The following GARIN3 variants were observed in gnomAD, a reference collection of about 807,000 sequenced individuals.
The protein encoded by GARIN3 is golgi associated RAB2 interactor family member 3, also known as Golgi-associated RAB2 interactor protein 3.
the GARIN3 span, chr5:157,162,132 G>A: frequency 5.3e-6 from 2 of 374,192 alleles, no homozygotes; most frequent in Admixed American, 4.4e-5. Context: ...CTCTTAGTCT[G>A]TGGCTTTGAC....
the GARIN3 span, chr5:157,162,394 G>C: frequency 3.5e-5 from 54 of 1,551,176 alleles, no homozygotes; most frequent in East Asian, 1.3e-4. Context: ...GCTGGGATGG[G>C]CTCCTCTAGG....
the GARIN3 span, chr5:157,162,995 C>T: frequency 8.5e-5 from 137 of 1,614,232 alleles, no homozygotes; most frequent in African/African-American, 1.8e-3. Context: ...TCATTCCAGA[C>T]TTCAGCACTG....
the GARIN3 span, chr5:157,162,787 T>G: frequency 6.2e-7 from 1 of 1,614,244 alleles, no homozygotes; most frequent in Non-Finnish European, 8.5e-7. Context: ...AGAGGAGCCA[T>G]GTCGCTTGCC....
the GARIN3 span, chr5:157,162,725 C>A: frequency 2.5e-6 from 4 of 1,614,096 alleles, no homozygotes; most frequent in Non-Finnish European, 3.4e-6. Context: ...TTCCCCAGTT[C>A]CTGAGTTGTT....
the GARIN3 span, chr5:157,163,741 G>A: frequency 6.7e-7 from 1 of 1,499,038 alleles, no homozygotes; most frequent in South Asian, 1.3e-5. Flanking sequence ...TTATCCTGGA[G>A]TTAATTCAAG....
the GARIN3 span, among the ~76,000 whole-genome samples, chr5:157,164,188 C>T: frequency 2.4e-4 from 31 of 131,036 alleles, no homozygotes; most frequent in Middle Eastern, 5.4e-3. Context: ...CTTGCTCTGT[C>T]GCCCAGGCTA....
chr5:157,165,907 C>G, the GARIN3 span: 1 of 1,614,190 alleles, frequency 6.2e-7, no homozygotes, highest in Non-Finnish European at 8.5e-7. Flanking sequence ...TGGGCCAGAA[C>G]CATGACGTCA....
At chr5:157,162,744 C>CT in the GARIN3 span, 1 of 1,614,190 alleles carries the variant, frequency 6.2e-7, no homozygotes, top group Non-Finnish European at 8.5e-7. Flanking sequence ...TTCTCGACTC[C>CT]TTTTTGGTGG....
At chr5:157,165,518 CCCCAAAGAACCTGCCCCATGT>C in the GARIN3 span, 2 of 1,554,680 alleles carry the variant, frequency 1.3e-6, no homozygotes, top group South Asian at 2.5e-5. Flanking sequence ...TGAACTGCTC[CCCCAAAGAACCTGCCCCATGT>C]TCTCGAGCCT....
At chr5:157,163,524 C>T in the GARIN3 span, 35 of 1,614,118 alleles carry the variant, frequency 2.2e-5, no homozygotes, top group African/African-American at 5.3e-5. Flanking sequence ...ATGGAGAAGC[C>T]GCACTAGCCG....
chr5:157,162,194 T>C, the GARIN3 span: 1 of 546,942 alleles, frequency 1.8e-6, no homozygotes, highest in Non-Finnish European at 3.2e-6. Context: ...TCACGTTGGC[T>C]CTGCTGGCCG....
At chr5:157,165,497 A>G in the GARIN3 span, 2 of 1,528,530 alleles carry the variant, frequency 1.3e-6, no homozygotes, top group South Asian at 2.7e-5. Context: ...AAGGCTTTGT[A>G]GGACTGGCTT....
chr5:157,165,807 C>G, the GARIN3 span: 1 of 1,614,128 alleles, frequency 6.2e-7, no homozygotes, highest in East Asian at 2.2e-5. Flanking sequence ...GGGAAGCAGT[C>G]TCGTGAGCTC....
At chr5:157,166,169 G>C in the GARIN3 span, 1 of 1,604,000 alleles carries the variant, frequency 6.2e-7, no homozygotes, top group African/African-American at 1.3e-5. Context: ...CATTGCTCAT[G>C]GTTCTCTTCG....
the GARIN3 span, among the ~76,000 whole-genome samples, chr5:157,164,131 G>A: frequency 6.7e-6 from 1 of 149,206 alleles, no homozygotes; most frequent in South Asian, 2.1e-4. Context: ...AAATCATTAA[G>A]TCTAAGTCTT....
chr5:157,165,538 G>A, the GARIN3 span: 6 of 1,580,536 alleles, frequency 3.8e-6, no homozygotes, highest in Non-Finnish European at 5.2e-6. Context: ...CCTGCCCCAT[G>A]TTCTCGAGCC....
the GARIN3 span, chr5:157,162,074 A>C: frequency 4.0e-6 from 1 of 251,810 alleles, no homozygotes; most frequent in African/African-American, 2.3e-5. Flanking sequence ...GCATTCAGGG[A>C]AAAGAGGAGA....
the GARIN3 span, chr5:157,162,538 T>A: frequency 6.2e-7 from 1 of 1,614,188 alleles, no homozygotes; most frequent in Non-Finnish European, 8.5e-7. Context: ...ACCCTGGGCT[T>A]TCTCCACTTT....
the GARIN3 span, chr5:157,162,767 AG>A: frequency 1.2e-6 from 2 of 1,614,068 alleles, no homozygotes; most frequent in Non-Finnish European, 1.7e-6. Context: ...CTGTGGGTGG[AG>A]CTCTTGCGAG....
Sources: allele counts gnomAD v4.1 joint callset (sites outside exome capture counted in the v4.1 genomes callset), GRCh38; gene constraint gnomAD v4.1.1; transcripts MANE v1.5; gene names NCBI Gene and HGNC (gene_info 2026-07-23, HGNC 2026-07-21).